COL13A1: variants seen among roughly 807,000 people sequenced by gnomAD.
COL13A1 encodes the protein collagen type XIII alpha 1 chain.
A neutral mutation model predicts 130.9 loss-of-function variants in COL13A1; 89 were observed. That is an observed-to-expected ratio of 0.68 (90% CI 0.57 to 0.81). The LOEUF (loss-of-function observed/expected upper bound fraction) is 0.81, where lower values mean the gene tolerates loss of function less well. Among genes scored for constraint, COL13A1 ranks in the 30% least tolerant of loss-of-function variants. The pLI, the probability that COL13A1 is intolerant of heterozygous loss-of-function variation, is 0.00. For synonymous variants in COL13A1, 402 were observed against 341.6 expected (o/e 1.18, Z -1.95); for missense variants, 879 against 934.6 (o/e 0.94, Z 0.78).
intron 10 of COL13A1, 24 bp downstream of exon 10, chr10:69,889,464 T>C (rs373271498): frequency 2.7e-5 from 44 of 1,609,182 alleles, no homozygotes; most frequent in Admixed American, 1.0e-4. Context: ...TTTCCTGCCT[T>C]CCCGAGATGG....
At chr10:69,872,146 A>G in intron 3 of COL13A1, 38 bp from the exon 4 acceptor site, 2 of 1,613,810 alleles carry the variant, frequency 1.2e-6, no homozygotes, top group Non-Finnish European at 1.7e-6. Flanking sequence ...GTGTTACGAT[A>G]CCTGCCTGAC....
Position 69,887,596 on chromosome 10 carries a change from A to T in COL13A1, c.549+105A>T. 3.9e-5 allele frequency: 48 copies of T among 1,242,306 alleles called. No individual in the cohort carries two copies. The Admixed American group carries it at 4.7e-4, about 12-fold the overall frequency. 77.0% of individuals were successfully genotyped at this position (1,242,306 alleles called of 1,614,324 possible). On this transcript the variant is annotated intron_variant, in intron 8 of 40. Coordinates refer to ENST00000645393, the MANE Select transcript of COL13A1 (RefSeq NM_001368882.1). ...CCCGGTTCCACTCTTTCTCTCCCAA[A>T]CCCTGGTCATTAAGGACTTGCTTCT... is the stretch of plus-strand genomic sequence containing the variant.
At chr10:69,833,878 G>C (rs1453920675) in intron 2 of COL13A1, among the ~76,000 whole-genome samples, 1 of 152,156 alleles carries the variant, frequency 6.6e-6, no homozygotes, top group Non-Finnish European at 1.5e-5. Flanking sequence ...GGTTGGGGAG[G>C]CAGACCGTGG....
chr10:69,889,493 T>C, intron 10 of COL13A1, 53 bp downstream of exon 10: 1 of 1,597,642 alleles, frequency 6.3e-7, no homozygotes, highest in Non-Finnish European at 8.5e-7. Context: ...TGGCCCAGCC[T>C]CACAGGCACA....
intron 4 of COL13A1, among the ~76,000 whole-genome samples, chr10:69,872,896 C>T (rs1488235996): frequency 6.6e-6 from 1 of 152,156 alleles, no homozygotes; most frequent in African/African-American, 2.4e-5. Context: ...GTTAGAGGCC[C>T]GTATCATCAC....
At chr10:69,818,546 G>GC (rs1845208104) in intron 1 of COL13A1, among the ~76,000 whole-genome samples, 2 of 152,212 alleles carry the variant, frequency 1.3e-5, no homozygotes, top group African/African-American at 4.8e-5. Context: ...TGTGATTATG[G>GC]AGATGAGAAG....
intron 1 of COL13A1, among the ~76,000 whole-genome samples, chr10:69,814,737 T>C (rs1844002379): frequency 1.3e-5 from 2 of 152,198 alleles, no homozygotes; most frequent in African/African-American, 4.8e-5. Context: ...GTCAAGCTGA[T>C]ATGATATGAT....
intron 39 of COL13A1, chr10:69,955,003 G>A (rs2070364960): frequency 6.6e-6 from 1 of 152,272 alleles, no homozygotes; most frequent in African/African-American, 2.4e-5. Context: ...TCACTCCAAG[G>A]CTCAAGGGGT....
At position 69,930,569 on chromosome 10, in the gene COL13A1, G is replaced by T. The variant is rs2065985307; in HGVS notation, c.1683+17G>T. Reference sequence around the variant, plus strand: ...GGCTCACCGGTGAGTGGCAGGGCTGGCTGCCCTTCCGTGCATACACCACTC... The same window carrying T: ...GGCTCACCGGTGAGTGGCAGGGCTGTCTGCCCTTCCGTGCATACACCACTC... On this transcript the variant is annotated intron_variant, in intron 30 of 40. Coordinates refer to ENST00000645393, the MANE Select transcript of COL13A1 (RefSeq NM_001368882.1). 6.2e-7 allele frequency: 1 copy of T among 1,610,112 alleles called. No homozygotes were observed. Among genetic ancestry groups the T allele is most frequent in the Non-Finnish European group, 8.5e-7 (1 of 1,178,456 alleles).
intron 14 of COL13A1, among the ~76,000 whole-genome samples, chr10:69,899,634 C>T (rs2135024611): frequency 6.6e-6 from 1 of 152,356 alleles, no homozygotes; most frequent in Non-Finnish European, 1.5e-5. Context: ...ACATTGTGAG[C>T]AAGTGCTTCC....
intron 2 of COL13A1, among the ~76,000 whole-genome samples, chr10:69,857,870 C>A (rs535103428): frequency 6.6e-6 from 1 of 152,278 alleles, no homozygotes; most frequent in Non-Finnish European, 1.5e-5. Flanking sequence ...GTAATCCCAG[C>A]ACTTTGGGAA....
Position 69,917,339 on chromosome 10 carries a change from T to A in COL13A1, c.966+6T>A, listed in dbSNP as rs760711320. The stretch of plus-strand genomic sequence containing the variant: ...CAGGCAAGCATGGAGCCAAGGTACC[T>A]CCCCCTTCCCCACATCCCAGGCAGC... On this transcript the variant is annotated splice_donor_region_variant and intron_variant, in intron 18 of 40. Transcript: ENST00000645393. 6.2e-7 allele frequency: 1 copy of A among 1,612,058 alleles called. No individual in the cohort carries two copies. Among genetic ancestry groups the A allele is most frequent in the Non-Finnish European group, 8.5e-7 (1 of 1,179,014 alleles).
rs759646563 is a variant in COL13A1, at chr10:69,802,094, C to CA, written c.-328dup. On this transcript the variant is annotated 5_prime_UTR_variant, in exon 1 of 41. Coordinates refer to ENST00000645393, the MANE Select transcript of COL13A1 (RefSeq NM_001368882.1). ...CCCAGAAGGACTGACAGCGCGGCAC[C>CA]AACTGCTCTGCAGACACTTGAAGGG... The CA allele has an allele frequency of 3.9e-6, 1 of 254,064 alleles. No homozygotes were observed. The highest frequency in any genetic ancestry group is 7.4e-6 in the Non-Finnish European group (1 of 135,942). The allele number at this position is 254,064 out of a possible 1,614,324, so 15.7% of individuals were successfully genotyped here.
intron 17 of COL13A1, among the ~76,000 whole-genome samples, chr10:69,907,411 G>A (rs1168920292): frequency 6.6e-6 from 1 of 152,152 alleles, no homozygotes; most frequent in Non-Finnish European, 1.5e-5. Context: ...GACAGTCAAG[G>A]GGCCCATATC....
At chr10:69,949,906 G>C (rs532037091) in intron 38 of COL13A1, among the ~76,000 whole-genome samples, 6 of 151,924 alleles carry the variant, frequency 3.9e-5, no homozygotes, top group Non-Finnish European at 7.4e-5. Context: ...CCCAACTTTG[G>C]GGGGGTGGGG....
In COL13A1 at chr10:69,894,661, C is replaced by G. The variant is rs765382674; in HGVS notation, c.631-14C>G. The stretch of plus-strand genomic sequence containing the variant: ...GCTTTGGTTTCTAACTCTCTCATCT[C>G]CGTCTCTTTGTAGGGACCCCAGGGA... On this transcript the variant is annotated splice_polypyrimidine_tract_variant and intron_variant, in intron 11 of 40. Coordinates refer to ENST00000645393, the MANE Select transcript of COL13A1 (RefSeq NM_001368882.1). 6 of 1,613,926 alleles carry G rather than the reference C, an allele frequency of 3.7e-6. No homozygotes were observed. The East Asian group carries it at 1.1e-4, about 30-fold the overall frequency.
chr10:69,865,001 G>A (rs551266386), intron 2 of COL13A1, among the ~76,000 whole-genome samples: 2 of 152,352 alleles, frequency 1.3e-5, no homozygotes, highest in South Asian at 4.1e-4. Flanking sequence ...TGCATGGGCG[G>A]AGTCCAGGTG....
In COL13A1 at chr10:69,940,991, G is replaced by A. The variant is rs751905771; in HGVS notation, c.1882G>A (p.Ala628Thr). The part of the protein sequence containing the change: ...GDRGPLGLPG[A>T]SGLDGRPGPP... ...TCAAACTGTGCCCTTCGTCCAGGGA[G>A]CTTCAGGTTTGGACGGCAGGCCTGG... The change falls in exon 35 of 41, where the codon GCT (alanine) becomes ACT (threonine). Residue 628 changes from alanine (A) to threonine (T), a missense_variant. Physicochemically the swap from Ala to Thr is moderately conservative, Grantham distance 58. Around this residue, in one of 3 missense-constraint regions of COL13A1, gnomAD observed 96 missense variants for 147.7 expected, o/e 0.65. Transcript: ENST00000645393. 4 of 1,613,686 alleles carry A rather than the reference G, an allele frequency of 2.5e-6. No individual in the cohort carries two copies. Among genetic ancestry groups the A allele is most frequent in the East Asian group, 2.2e-5 (1 of 44,874 alleles).
At chr10:69,918,830 C>G (rs924072870) in intron 19 of COL13A1, among the ~76,000 whole-genome samples, 1 of 152,208 alleles carries the variant, frequency 6.6e-6, no homozygotes, top group Admixed American at 6.5e-5. Flanking sequence ...CACTTATGCT[C>G]CCACCTGCCA....
Sources: gnomAD v4.1 joint callset for allele counts (sites outside exome capture counted in the v4.1 genomes callset) on GRCh38, gnomAD v4.1.1 for gene constraint, gnomAD v4.1.1 regional missense constraint, MANE v1.5 for transcripts, NCBI Gene and HGNC (gene_info 2026-07-23, HGNC 2026-07-21) for gene names.